Variants in TRPC3 observed in about 807,000 individuals in gnomAD.
The protein encoded by TRPC3 is transient receptor potential cation channel subfamily C member 3.
Under a neutral mutation model 90.9 loss-of-function variants are expected in TRPC3, and 54 were observed. The observed-to-expected ratio is 0.59, with a 90% confidence interval of 0.48 to 0.75. The LOEUF is 0.75. Ranked by LOEUF, TRPC3 falls within the 30% of genes least tolerant of loss-of-function variation. The pLI is 0.00. For synonymous variants in TRPC3, 424 were observed against 450.9 expected, an observed-to-expected ratio of 0.94 and a Z score of 0.75; for missense variants, 918 against 1,194.5, an observed-to-expected ratio of 0.77 and a Z score of 3.41.
rs78901949 is a variant in TRPC3 at position 121,886,570 on chromosome 4, T to G, written c.2548-4141A>C. 7.7e-3 allele frequency among the ~76,000 whole-genome samples: 1,176 copies of G among 152,358 alleles called. 14 individuals are homozygous for G. The highest frequency in any genetic ancestry group is 0.027 in the African/African-American group (1,118 of 41,592). On this transcript the variant is annotated intron_variant, in intron 10 of 11. Transcript: ENST00000379645. ...TAATCTATTTTTGGACAACTATAGC[T>G]GTTAGAAAACAACTCCTTTGTTTTG...
chr4:121,916,383 T>A (rs1420946696), intron 3 of TRPC3, among the ~76,000 whole-genome samples: 1 of 152,200 alleles, frequency 6.6e-6, no homozygotes, highest in African/African-American at 2.4e-5. Context: ...TCACCATACA[T>A]GCGTACTTAA....
rs1730792348 is a variant in TRPC3 at position 121,951,977 on chromosome 4, C to T, written c.-297G>A. The stretch of plus-strand genomic sequence containing the variant: ...GGGCTCTGGTGCTGGGAGAGGCTCT[C>T]CAGCCCCGCGGCGGCGGCGATGCCT... On this transcript the variant is annotated 5_prime_UTR_variant, in exon 1 of 12. Transcript: ENST00000379645. This position sits in a 1 kb window ranked among gnomAD's most constrained non-coding sequence, Gnocchi z 4.4. 6.6e-6 allele frequency among the ~76,000 whole-genome samples: 1 copy of T among 152,128 alleles called. No homozygotes were observed. Among genetic ancestry groups the T allele is most frequent in the South Asian group, 2.1e-4 (1 of 4,830 alleles).
Position 121,912,059 on chromosome 4 carries a change from A to G in TRPC3, c.1376T>C (p.Phe459Ser), listed in dbSNP as rs1578626182. 6.2e-7 allele frequency: 1 copy of G among 1,613,798 alleles called. No homozygotes were observed. The highest frequency in any genetic ancestry group is 8.5e-7 in the Non-Finnish European group (1 of 1,179,812). ...GKILRSPFMK[F>S]VAHAASFIIF... ...GATGAAAGAAGCTGCATGTGCTACAAACTTCATAAAAGGGCTTCGCAGAAT... is the reference window on the plus strand; with the variant it reads ...GATGAAAGAAGCTGCATGTGCTACAGACTTCATAAAAGGGCTTCGCAGAAT... Residue 459 changes from phenylalanine (F) to serine (S), a missense_variant, in exon 5 of 12, where the codon TTT becomes TCT. By Grantham distance (155) the Phe-to-Ser change is radical (BLOSUM62 -2). Coordinates refer to ENST00000379645, the MANE Select transcript of TRPC3 (RefSeq NM_001130698.2).
intron 6 of TRPC3, 26 bp from the exon 7 acceptor site, chr4:121,907,593 A>T: frequency 6.3e-7 from 1 of 1,581,354 alleles, no homozygotes; most frequent in Non-Finnish European, 8.6e-7. Context: ...AAAGAGATTA[A>T]AAATGGAGCT....
intron 9 of TRPC3, among the ~76,000 whole-genome samples, chr4:121,900,982 G>A (rs555036590): frequency 6.6e-5 from 10 of 152,214 alleles, no homozygotes; most frequent in African/African-American, 2.4e-4. Context: ...TCTTGTTCCT[G>A]TGAACAGGCT....
chr4:121,890,132 G>A (rs183871612), intron 10 of TRPC3, among the ~76,000 whole-genome samples: 3 of 152,340 alleles, frequency 2.0e-5, no homozygotes. Context: ...TAGAAGTAGA[G>A]AGTAGAATAG....
chr4:121,932,129 C>A lies in TRPC3; in HGVS notation c.987+142G>T. 7.6e-7 allele frequency: 1 copy of A among 1,319,898 alleles called. No individual in the cohort carries two copies. The highest frequency in any genetic ancestry group is 1.0e-6 in the Non-Finnish European group (1 of 981,196). The allele number at this position is 1,319,898 out of a possible 1,614,324, so 81.8% of individuals were successfully genotyped here. On this transcript the variant is annotated intron_variant, in intron 2 of 11. Coordinates refer to ENST00000379645, the MANE Select transcript of TRPC3 (RefSeq NM_001130698.2). This position sits in a 1 kb window ranked among gnomAD's most constrained non-coding sequence, Gnocchi z 7.7. ...GGAGAAAGAAAACATTAGATGAGGT[C>A]TGAATGACGTTCTCAGTCCCTCGTG...
In TRPC3 at chr4:121,879,019, A is replaced by C. The variant is rs921117814; in HGVS notation, c.*717T>G. On this transcript the variant is annotated 3_prime_UTR_variant, in exon 12 of 12. Coordinates refer to ENST00000379645, the MANE Select transcript of TRPC3 (RefSeq NM_001130698.2). Reference sequence around the variant, plus strand: ...CAAACGTAAGTCTAAGACAGAAAGCAAGCAGTCTATATTTTAGAAAAATCT... The same window carrying C: ...CAAACGTAAGTCTAAGACAGAAAGCCAGCAGTCTATATTTTAGAAAAATCT... 1 of 152,218 alleles carries C rather than the reference A, an allele frequency of 6.6e-6. No homozygotes were observed. The highest frequency in any genetic ancestry group is 2.4e-5 in the African/African-American group (1 of 41,450). The allele number at this position is 152,218 out of a possible 1,614,324, so 9.4% of individuals were successfully genotyped here. A position where few individuals can be genotyped will look rare whatever the true frequency, so the allele number is the denominator to read the frequency against.
In TRPC3 at chr4:121,875,920, G is replaced by C. The variant is rs796753220; in HGVS notation, c.*3816C>G. Among the ~76,000 whole-genome samples, 1 of 133,342 alleles carries C rather than the reference G, an allele frequency of 7.5e-6. No individual in the cohort carries two copies. Among genetic ancestry groups the C allele is most frequent in the African/African-American group, 2.9e-5 (1 of 35,014 alleles). The allele number at this position is 133,342 out of a possible 152,430, so 87.5% of individuals were successfully genotyped here. On this transcript the variant is annotated 3_prime_UTR_variant, in exon 12 of 12. Transcript: ENST00000379645. ...TTTTTTTTTTTTTTTTTTTTTTGTG[G>C]GGGGTGGTTCACTTTGTCACCCAGG...
At chr4:121,912,965 C>A (rs750001171) in intron 4 of TRPC3, among the ~76,000 whole-genome samples, 8 of 152,134 alleles carry the variant, frequency 5.3e-5, no homozygotes, top group Admixed American at 1.3e-4. Context: ...ACTCTCAGAC[C>A]CTGCTTTTTA....
Position 121,878,194 on chromosome 4 carries a change from G to A in TRPC3, c.*1542C>T, listed in dbSNP as rs988602109. ...AGCATGGCACAAAAGTTAATGAAGT[G>A]TTCTACAATGGTAGCAAAACATTTA... On this transcript the variant is annotated 3_prime_UTR_variant, in exon 12 of 12. Transcript: ENST00000379645. 1.3e-5 allele frequency among the ~76,000 whole-genome samples: 2 copies of A among 152,258 alleles called. No individual in the cohort carries two copies. Among genetic ancestry groups the A allele is most frequent in the African/African-American group, 4.8e-5 (2 of 41,566 alleles).
chr4:121,926,088 TAG>T (rs1399025130), intron 2 of TRPC3, among the ~76,000 whole-genome samples: 10 of 152,266 alleles, frequency 6.6e-5, no homozygotes, highest in Admixed American at 2.6e-4. Context: ...CCCTGACTAA[TAG>T]AGTCAGAGAA....
At chr4:121,924,009 C>A in intron 3 of TRPC3, among the ~76,000 whole-genome samples, 1 of 152,106 alleles carries the variant, frequency 6.6e-6, no homozygotes. Context: ...TATTTAAAAG[C>A]CCCATACAAG....
rs111491240 is a variant in TRPC3, at chr4:121,876,227, C to A, written c.*3509G>T. Among the ~76,000 whole-genome samples, 1 of 151,958 alleles carries A rather than the reference C, an allele frequency of 6.6e-6. No individual in the cohort carries two copies. Among genetic ancestry groups the A allele is most frequent in the Admixed American group, 6.5e-5 (1 of 15,272 alleles). ...TTTTGGGAGGCTGAGGCAGGAGGAT[C>A]GCTTGAGGCCAAAAGTTAAAGACTA... is the stretch of plus-strand genomic sequence containing the variant. On this transcript the variant is annotated 3_prime_UTR_variant, in exon 12 of 12. Transcript: ENST00000379645.
rs190171595 is a variant in TRPC3 at position 121,891,896 on chromosome 4, G to A, written c.2547+7716C>T. 5.3e-4 allele frequency among the ~76,000 whole-genome samples: 81 copies of A among 152,208 alleles called. 1 individual carries two copies. In the East Asian group the frequency reaches 0.013, roughly 25 times the overall value. ...AGCCCCAAATGCCAACTACTCCTTTGAGCCACTCATCACTGAGTTTTTCTA... is the reference window on the plus strand; with the variant it reads ...AGCCCCAAATGCCAACTACTCCTTTAAGCCACTCATCACTGAGTTTTTCTA... On this transcript the variant is annotated intron_variant, in intron 10 of 11. Coordinates refer to ENST00000379645, the MANE Select transcript of TRPC3 (RefSeq NM_001130698.2).
In TRPC3 at chr4:121,878,058, T is replaced by A. The variant is rs1044864835; in HGVS notation, c.*1678A>T. Among the ~76,000 whole-genome samples, 1 of 152,232 alleles carries A rather than the reference T, an allele frequency of 6.6e-6. No homozygotes were observed. Reference sequence around the variant, plus strand: ...TATTATAGAAACTTTGTATCTTTACTATCTTAACATATGGTAACATATAAC... The same window carrying A: ...TATTATAGAAACTTTGTATCTTTACAATCTTAACATATGGTAACATATAAC... On this transcript the variant is annotated 3_prime_UTR_variant, in exon 12 of 12. Transcript: ENST00000379645.
chr4:121,949,939 A>T (rs925245064), intron 1 of TRPC3, among the ~76,000 whole-genome samples: 2 of 152,150 alleles, frequency 1.3e-5, no homozygotes, highest in East Asian at 3.9e-4. Context: ...TGTAGTCAGG[A>T]TTTAAGGTTT....
chr4:121,885,010 T>G (rs1728064205), intron 10 of TRPC3, among the ~76,000 whole-genome samples: 1 of 152,142 alleles, frequency 6.6e-6, no homozygotes, highest in Admixed American at 6.6e-5. Context: ...AAATTATGTG[T>G]ATCAGTTGAA....
chr4:121,889,003 C>T (rs566255830), intron 10 of TRPC3, among the ~76,000 whole-genome samples: 2 of 152,174 alleles, frequency 1.3e-5, no homozygotes, highest in African/African-American at 4.8e-5. Flanking sequence ...GAAGCACTTA[C>T]AGCTACCTGA....
Sources: gnomAD v4.1 joint callset for allele counts (sites outside exome capture counted in the v4.1 genomes callset) on GRCh38, gnomAD v4.1.1 for gene constraint, Gnocchi (gnomAD v3.1) non-coding constraint, MANE v1.5 for transcripts, NCBI Gene and HGNC (gene_info 2026-07-23, HGNC 2026-07-21) for gene names.